MBNL2: variants seen among roughly 807,000 people sequenced by gnomAD.
MBNL2 encodes muscleblind-like protein 2.
In MBNL2, 17 loss-of-function variants were observed where a neutral mutation model predicts 41.9. The ratio of observed to expected loss-of-function variants is 0.41; its 90% confidence interval spans 0.28 to 0.61. MBNL2 has a LOEUF of 0.61. Ranked by LOEUF, MBNL2 falls within the 20% of genes least tolerant of loss-of-function variation. MBNL2 has a pLI of 0.35. For synonymous variants in MBNL2, 195 were observed against 182.9 expected (o/e 1.07, Z -0.53); for missense variants, 336 against 505.6 (o/e 0.66, Z 3.22).
the MBNL2 span, among the ~76,000 whole-genome samples, chr13:97,148,465 G>A: frequency 1.3e-5 from 2 of 152,250 alleles, no homozygotes; most frequent in South Asian, 4.2e-4. Flanking sequence ...GACTTTGGGT[G>A]ATAATGATGT....
chr13:97,337,163 G>A (rs1172412079), intron 3 of MBNL2, among the ~76,000 whole-genome samples: 2 of 152,116 alleles, frequency 1.3e-5, no homozygotes, highest in Non-Finnish European at 2.9e-5. Context: ...ACATGGGAGA[G>A]ACCCCTCACC....
At position 97,347,055 on chromosome 13, in the gene MBNL2, G is replaced by A. The variant is rs773471949; in HGVS notation, c.792G>A (p.Ala264=). Residue 264 remains alanine (A), a synonymous_variant, in exon 5 of 9, where the codon GCG becomes GCA. Transcript: ENST00000679496. ...TGGCCGCCCAGGCAGCCGCGGCCGC[G>A]GCCACAGTCATGGTAAGTGCGGCCG... ...AAVAAQAAAA[A]ATVMTQSTAK... 10 of 1,601,622 alleles carry A rather than the reference G, an allele frequency of 6.2e-6. No individual in the cohort carries two copies. The highest frequency in any genetic ancestry group is 8.5e-6 in the Non-Finnish European group (10 of 1,174,954).
chr13:97,210,510 G>A, the MBNL2 span, among the ~76,000 whole-genome samples: 5 of 136,732 alleles, frequency 3.7e-5, no homozygotes, highest in Non-Finnish European at 7.7e-5. Flanking sequence ...TTTTCATATT[G>A]ATATATACAA....
At chr13:97,317,376 C>A (rs1306731413) in intron 2 of MBNL2, among the ~76,000 whole-genome samples, 1 of 152,160 alleles carries the variant, frequency 6.6e-6, no homozygotes, top group Non-Finnish European at 1.5e-5. Flanking sequence ...CACAGAGTGT[C>A]AAAGTATGAC....
chr13:97,292,305 C>T (rs573122844), intron 2 of MBNL2, among the ~76,000 whole-genome samples: 2 of 152,152 alleles, frequency 1.3e-5, no homozygotes, highest in Admixed American at 6.5e-5. Flanking sequence ...TAATTTTACC[C>T]TTCATGTTCT....
intron 2 of MBNL2, among the ~76,000 whole-genome samples, chr13:97,328,243 T>C (rs558559759): frequency 5.3e-4 from 79 of 149,834 alleles, no homozygotes; most frequent in African/African-American, 1.9e-3. Context: ...GCTTCTGAAA[T>C]GTAACTCCAG....
intron 2 of MBNL2, among the ~76,000 whole-genome samples, chr13:97,315,485 A>T (rs141170524): frequency 2.1e-4 from 32 of 152,348 alleles, no homozygotes; most frequent in African/African-American, 7.5e-4. Flanking sequence ...ACTGATATTG[A>T]TAATGGTTAA....
At chr13:97,378,286 G>C (rs952207849) in intron 8 of MBNL2, among the ~76,000 whole-genome samples, 1 of 150,110 alleles carries the variant, frequency 6.7e-6, no homozygotes, top group African/African-American at 2.5e-5. Context: ...CTGTAAGTTA[G>C]AAACAATTTT....
chr13:97,289,095 T>G (rs1245696538), intron 2 of MBNL2, among the ~76,000 whole-genome samples: 1 of 152,220 alleles, frequency 6.6e-6, no homozygotes, highest in Non-Finnish European at 1.5e-5. Context: ...ATTTAGATTA[T>G]TATCATCTCA....
upstream of MBNL2, among the ~76,000 whole-genome samples, chr13:97,218,902 G>A (rs1309694006): frequency 6.6e-6 from 1 of 151,408 alleles, no homozygotes; most frequent in Non-Finnish European, 1.5e-5. Context: ...TAGATTAGAT[G>A]TTAGAGAGTC....
At chr13:97,254,762 A>T (rs2047208334) in intron 1 of MBNL2, among the ~76,000 whole-genome samples, 1 of 152,198 alleles carries the variant, frequency 6.6e-6, no homozygotes, top group East Asian at 1.9e-4. Flanking sequence ...GGTCAATGTG[A>T]TGGATTTCTC....
intron 5 of MBNL2, among the ~76,000 whole-genome samples, chr13:97,352,837 C>G (rs2153099208): frequency 6.6e-6 from 1 of 152,302 alleles, no homozygotes; most frequent in South Asian, 2.1e-4. Flanking sequence ...AGGGCTGAGC[C>G]CTGATTTCAT....
At chr13:97,225,978 G>T (rs1370427393) in intron 1 of MBNL2, among the ~76,000 whole-genome samples, 1 of 151,998 alleles carries the variant, frequency 6.6e-6, no homozygotes, top group Non-Finnish European at 1.5e-5. Flanking sequence ...TTGTAAATTA[G>T]TTAACATACT....
At chr13:97,253,424 G>T (rs919898464) in intron 1 of MBNL2, among the ~76,000 whole-genome samples, 3 of 152,116 alleles carry the variant, frequency 2.0e-5, no homozygotes, top group African/African-American at 7.2e-5. Context: ...GATATCAAGT[G>T]AAAATGTATA....
chr13:97,259,556 C>T (rs1328922801), intron 1 of MBNL2, among the ~76,000 whole-genome samples: 14 of 152,332 alleles, frequency 9.2e-5, no homozygotes, highest in African/African-American at 3.4e-4. Context: ...GATTCAGATG[C>T]TCCTTTTAGA....
intron 2 of MBNL2, among the ~76,000 whole-genome samples, chr13:97,321,400 A>G (rs2059490855): frequency 6.6e-6 from 1 of 152,126 alleles, no homozygotes; most frequent in South Asian, 2.1e-4. Context: ...TTGACATTTA[A>G]CAGGCTTGGG....
chr13:97,142,330 C>A, the MBNL2 span, among the ~76,000 whole-genome samples: 3 of 152,286 alleles, frequency 2.0e-5, no homozygotes, highest in East Asian at 5.8e-4. Flanking sequence ...GGAACTTCGC[C>A]TGTCATAATT....
In MBNL2 at chr13:97,283,599, A is replaced by G. The variant is rs75752255; in HGVS notation, c.174+7190A>G. 6.3e-3 allele frequency among the ~76,000 whole-genome samples: 955 copies of G among 152,332 alleles called. 7 individuals carry two copies. The highest frequency in any genetic ancestry group is 0.022 in the African/African-American group (909 of 41,572). On this transcript the variant is annotated intron_variant, in intron 2 of 8. Transcript: ENST00000679496. Reference sequence around the variant, plus strand: ...TTTACCCAGGAAAGTATCCATACTCACAGACTATTTCAAACAATCTGCAGG... The same window carrying G: ...TTTACCCAGGAAAGTATCCATACTCGCAGACTATTTCAAACAATCTGCAGG...
the MBNL2 span, among the ~76,000 whole-genome samples, chr13:97,201,776 C>T: frequency 6.6e-6 from 1 of 152,130 alleles, no homozygotes; most frequent in African/African-American, 2.4e-5. Flanking sequence ...TTAATCACAG[C>T]AACAATACTT....
Sources: allele counts gnomAD v4.1 joint callset (sites outside exome capture counted in the v4.1 genomes callset), GRCh38; gene constraint gnomAD v4.1.1; transcripts MANE v1.5; gene names NCBI Gene and HGNC (gene_info 2026-07-23, HGNC 2026-07-21).